The following SPTB variants were observed in gnomAD, a reference collection of about 807,000 sequenced individuals.
SPTB encodes the protein spectrin beta, erythrocytic, also known as spectrin beta chain, erythrocytic.
Under a neutral mutation model 256.2 loss-of-function variants are expected in SPTB, and 45 were observed. That is an observed-to-expected ratio of 0.18 (90% CI 0.14 to 0.23). The LOEUF (loss-of-function observed/expected upper bound fraction) is 0.23. SPTB is among the 10% of genes least tolerant of loss of function. The pLI is 1.00. For missense variants in SPTB, 2,715 were observed against 3,040.4 expected (o/e 0.89, Z 2.52); for synonymous variants, 1,231 against 1,243.1 (o/e 0.99, Z 0.21).
chr14:64,863,227 T>C (rs1172133491), intron 1 of SPTB, among the ~76,000 whole-genome samples: 1 of 152,206 alleles, frequency 6.6e-6, no homozygotes, highest in Non-Finnish European at 1.5e-5. Flanking sequence ...TCCAATCTTT[T>C]GGCTTTCCTG....
chr14:64,862,879 AAAACC>A (rs1440817329), intron 1 of SPTB, among the ~76,000 whole-genome samples: 1 of 151,640 alleles, frequency 6.6e-6, no homozygotes, highest in African/African-American at 2.4e-5. Context: ...ACAACAAAAA[AAAACC>A]ACACCCCATG....
Position 64,785,034 on chromosome 14 carries a change from C to G in SPTB, c.3855+503G>C, listed in dbSNP as rs956935510. On this transcript the variant is annotated intron_variant, in intron 18 of 35. Transcript: ENST00000644917. This position sits in a 1 kb window ranked among gnomAD's most constrained non-coding sequence, Gnocchi z 4.4. The stretch of plus-strand genomic sequence containing the variant: ...TAAAATGTTCTTTCTCTGTCTCACC[C>G]CGTAAAGTTCTGATTCATCTGGCCT... Among the ~76,000 whole-genome samples the G allele has an allele frequency of 6.6e-6, 1 of 152,148 alleles. No individual in the cohort carries two copies. Among genetic ancestry groups the G allele is most frequent in the African/African-American group, 2.4e-5 (1 of 41,442 alleles).
chr14:64,812,989 C>T (rs2083120131), intron 2 of SPTB, among the ~76,000 whole-genome samples: 1 of 152,032 alleles, frequency 6.6e-6, no homozygotes, highest in South Asian at 2.1e-4. Context: ...AATGAGGATA[C>T]TATTAAGGTT....
chr14:64,784,175 C>T, intron 19 of SPTB, 72 bp downstream of exon 19: 1 of 1,605,592 alleles, frequency 6.2e-7, no homozygotes, highest in Non-Finnish European at 8.5e-7. Context: ...AGGGTCCACA[C>T]CCTGGGTGAA....
rs554027524 is a variant in SPTB, at chr14:64,873,783, A to C, written c.-52+6009T>G. Among the ~76,000 whole-genome samples the C allele has an allele frequency of 1.3e-5, 2 of 152,348 alleles. No homozygotes were observed. The highest frequency in any genetic ancestry group is 2.9e-5 in the Non-Finnish European group (2 of 68,026). On this transcript the variant is annotated intron_variant, in intron 1 of 35. Coordinates refer to ENST00000644917, the MANE Select transcript of SPTB (RefSeq NM_001355436.2). The surrounding 1 kb of genome is among the most constrained non-coding windows in gnomAD (Gnocchi z 4.3). ...CCTCAGAACTAGGCAACTGGGTCAAAGTCAGGTTTTGGAATAAACTACTAG... is the reference window on the plus strand; with the variant it reads ...CCTCAGAACTAGGCAACTGGGTCAACGTCAGGTTTTGGAATAAACTACTAG...
chr14:64,864,730 C>T (rs1882059663), intron 1 of SPTB, among the ~76,000 whole-genome samples: 1 of 152,106 alleles, frequency 6.6e-6, no homozygotes, highest in African/African-American at 2.4e-5. Context: ...GCCATTTATA[C>T]TCTTTGGTAC....
At chr14:64,851,552 C>T (rs1387510055) in intron 1 of SPTB, among the ~76,000 whole-genome samples, 1 of 152,104 alleles carries the variant, frequency 6.6e-6, no homozygotes, top group Non-Finnish European at 1.5e-5. Context: ...ATTATTTGGG[C>T]TCATTCACTC....
At chr14:64,854,244 G>C (rs1394687338) in intron 1 of SPTB, among the ~76,000 whole-genome samples, 2 of 149,886 alleles carry the variant, frequency 1.3e-5, no homozygotes, top group Non-Finnish European at 3.0e-5. Context: ...CCTTATCACC[G>C]GGCAAAAACA....
intron 2 of SPTB, among the ~76,000 whole-genome samples, chr14:64,812,079 G>T (rs1471583817): frequency 6.6e-6 from 1 of 152,038 alleles, no homozygotes. Flanking sequence ...AATTTGAGTA[G>T]CTGGGATTAC....
Position 64,790,369 on chromosome 14 carries a change from A to G in SPTB, c.2804+1350T>C, listed in dbSNP as rs1384377887. ...CTCTCAGGAAGTTTCTCTGGTTTAGACCTGCTCTAGTTTCCTCAATTATGC... is the reference window on the plus strand; with the variant it reads ...CTCTCAGGAAGTTTCTCTGGTTTAGGCCTGCTCTAGTTTCCTCAATTATGC... On this transcript the variant is annotated intron_variant, in intron 15 of 35. Transcript: ENST00000644917. This position sits in a 1 kb window ranked among gnomAD's most constrained non-coding sequence, Gnocchi z 4.8. Among the ~76,000 whole-genome samples the G allele has an allele frequency of 6.6e-6, 1 of 152,056 alleles. No homozygotes were observed. The highest frequency in any genetic ancestry group is 2.4e-5 in the African/African-American group (1 of 41,368).
intron 6 of SPTB, 135 bp from the exon 7 acceptor site, chr14:64,801,535 C>G (rs1474305289): frequency 2.6e-5 from 21 of 814,648 alleles, no homozygotes; most frequent in Admixed American, 3.9e-5. Flanking sequence ...GAGATGGGAG[C>G]AGAGGAGAGG....
chr14:64,809,412 C>G (rs1278468362), intron 2 of SPTB, among the ~76,000 whole-genome samples: 2 of 150,290 alleles, frequency 1.3e-5, no homozygotes, highest in Non-Finnish European at 3.0e-5. Context: ...GTGGTGTGAT[C>G]TCGGCTCACT....
At chr14:64,863,458 C>T (rs906518066) in intron 1 of SPTB, among the ~76,000 whole-genome samples, 1 of 152,180 alleles carries the variant, frequency 6.6e-6, no homozygotes, top group East Asian at 1.9e-4. Context: ...CAGCCAGCCC[C>T]ACAATGGCAC....
chr14:64,836,504 AAAC>A (rs2083524725), intron 1 of SPTB, among the ~76,000 whole-genome samples: 1 of 151,934 alleles, frequency 6.6e-6, no homozygotes, highest in Non-Finnish European at 1.5e-5. Flanking sequence ...TGTCAAGGCA[AAAC>A]AAAAAAAAGG....
At chr14:64,804,398 G>A (rs1329734549) in intron 3 of SPTB, among the ~76,000 whole-genome samples, 1 of 152,184 alleles carries the variant, frequency 6.6e-6, no homozygotes, top group Non-Finnish European at 1.5e-5. Context: ...TTTTACACAT[G>A]GGGGAAATGG....
In SPTB at chr14:64,825,917, A is replaced by G. The variant is rs746930252; in HGVS notation, c.-51-2772T>C. ...GGCTCAGAGAAGGCAGCAGCCGGGC[A>G]GCAGCTCTGCCAGGAATGGGAAGAG... is the stretch of plus-strand genomic sequence containing the variant. On this transcript the variant is annotated intron_variant, in intron 1 of 35. Coordinates refer to ENST00000644917, the MANE Select transcript of SPTB (RefSeq NM_001355436.2). This position sits in a 1 kb window ranked among gnomAD's most constrained non-coding sequence, Gnocchi z 4.8. Among the ~76,000 whole-genome samples, 72 of 152,380 alleles carry G rather than the reference A, an allele frequency of 4.7e-4. No individual in the cohort carries two copies. The highest frequency in any genetic ancestry group is 2.3e-3 in the South Asian group (11 of 4,828).
At chr14:64,851,934 T>C (rs1194137091) in intron 1 of SPTB, among the ~76,000 whole-genome samples, 1 of 151,964 alleles carries the variant, frequency 6.6e-6, no homozygotes, top group African/African-American at 2.4e-5. Context: ...ACCTAGGTGA[T>C]GGGTTGATTG....
In SPTB at chr14:64,823,596, G is replaced by A. The variant is rs1289116682; in HGVS notation, c.-51-451C>T. Among the ~76,000 whole-genome samples the A allele has an allele frequency of 1.3e-5, 2 of 152,160 alleles. No homozygotes were observed. Among genetic ancestry groups the A allele is most frequent in the Admixed American group, 6.5e-5 (1 of 15,282 alleles). On this transcript the variant is annotated intron_variant, in intron 1 of 35. Transcript: ENST00000644917. This position sits in a 1 kb window ranked among gnomAD's most constrained non-coding sequence, Gnocchi z 6.5. Reference sequence around the variant, plus strand: ...TGGGGACAGGCCAGGGGAAGGGAGAGGCTGGAAACAGGCTGAGTCTGACCC... The same window carrying A: ...TGGGGACAGGCCAGGGGAAGGGAGAAGCTGGAAACAGGCTGAGTCTGACCC...
At position 64,866,278 on chromosome 14, in the gene SPTB, C is replaced by T. The variant is rs1258224151; in HGVS notation, c.-52+13514G>A. Among the ~76,000 whole-genome samples, 2 of 152,160 alleles carry T rather than the reference C, an allele frequency of 1.3e-5. No homozygotes were observed. The highest frequency in any genetic ancestry group is 1.5e-5 in the Non-Finnish European group (1 of 68,020). ...CCTACCCTCACTGTCAGCTCTCCAT[C>T]GAGTTTGCTGACTGTTGTCTGCTTA... is the stretch of plus-strand genomic sequence containing the variant. On this transcript the variant is annotated intron_variant, in intron 1 of 35. Coordinates refer to ENST00000644917, the MANE Select transcript of SPTB (RefSeq NM_001355436.2). This position sits in a 1 kb window ranked among gnomAD's most constrained non-coding sequence, Gnocchi z 4.6.
Sources: gnomAD v4.1 joint callset for allele counts (sites outside exome capture counted in the v4.1 genomes callset) on GRCh38, gnomAD v4.1.1 for gene constraint, Gnocchi (gnomAD v3.1) non-coding constraint, MANE v1.5 for transcripts, NCBI Gene and HGNC (gene_info 2026-07-23, HGNC 2026-07-21) for gene names.